The following SLC35F4 variants were observed in gnomAD, a reference collection of about 807,000 sequenced individuals.
SLC35F4 encodes solute carrier family 35 member F4, also known as chromosome 14 open reading frame 36.
SLC35F4 carries 24 observed loss-of-function variants against 44.2 expected under a neutral mutation model. That is an observed-to-expected ratio of 0.54 (90% CI 0.39 to 0.76). The LOEUF is 0.76. SLC35F4 is among the 30% of genes least tolerant of loss of function. SLC35F4 has a pLI of 0.00. For synonymous variants in SLC35F4, 238 were observed against 223.6 expected, an observed-to-expected ratio of 1.06 and a Z score of -0.57; for missense variants, 562 against 586.1, an observed-to-expected ratio of 0.96 and a Z score of 0.42.
downstream of SLC35F4, among the ~76,000 whole-genome samples, chr14:57,973,109 T>A (rs1881101129): frequency 1.3e-5 from 2 of 152,174 alleles, no homozygotes; most frequent in South Asian, 4.1e-4. Context: ...AGTACCACTG[T>A]CCCCTTAGCC....
At chr14:57,677,418 A>ATTT (rs5808932) in intron 1 of SLC35F4, among the ~76,000 whole-genome samples, 1 of 151,274 alleles carries the variant, frequency 6.6e-6, no homozygotes, top group African/African-American at 2.4e-5. Context: ...AAAAAAATAA[A>ATTT]AATTATTTAA....
intron 1 of SLC35F4, among the ~76,000 whole-genome samples, chr14:57,743,795 T>A (rs1234715558): frequency 6.6e-6 from 1 of 152,068 alleles, no homozygotes; most frequent in Non-Finnish European, 1.5e-5. Context: ...TAGGCCAATA[T>A]CCCTGATGAA....
intron 1 of SLC35F4, among the ~76,000 whole-genome samples, chr14:57,969,086 A>T (rs1880974862): frequency 6.6e-6 from 1 of 152,230 alleles, no homozygotes. Context: ...ACATGAAGAG[A>T]CTAAGCCCAC....
intron 1 of SLC35F4, among the ~76,000 whole-genome samples, chr14:57,927,779 T>A (rs1889610308): frequency 6.6e-6 from 1 of 152,098 alleles, no homozygotes. Context: ...GCATTAGCCA[T>A]CACGCCTGGC....
intron 1 of SLC35F4, among the ~76,000 whole-genome samples, chr14:57,703,486 T>G (rs973236191): frequency 1.3e-5 from 2 of 152,164 alleles, no homozygotes; most frequent in African/African-American, 4.8e-5. Flanking sequence ...TGCCATCACC[T>G]ACGCTGTCCA....
intron 1 of SLC35F4, among the ~76,000 whole-genome samples, chr14:57,893,812 T>A (rs1888820399): frequency 6.6e-6 from 1 of 152,174 alleles, no homozygotes; most frequent in South Asian, 2.1e-4. Flanking sequence ...CTTCTCTCCA[T>A]GGCAACAAAA....
chr14:57,938,298 TAAG>T (rs1203766352), intron 1 of SLC35F4, among the ~76,000 whole-genome samples: 1 of 151,598 alleles, frequency 6.6e-6, no homozygotes, highest in African/African-American at 2.4e-5. Context: ...AGGGGTAATA[TAAG>T]AAGTAGTGTT....
intron 1 of SLC35F4, among the ~76,000 whole-genome samples, chr14:57,721,893 C>A: frequency 6.6e-6 from 1 of 152,058 alleles, no homozygotes; most frequent in Non-Finnish European, 1.5e-5. Context: ...GTGATGGCCC[C>A]CCCTGAGGCA....
chr14:57,633,704 GC>G (rs1262969249), intron 1 of SLC35F4, among the ~76,000 whole-genome samples: 2 of 151,848 alleles, frequency 1.3e-5, no homozygotes, highest in Non-Finnish European at 2.9e-5. Context: ...CTCTATCCCA[GC>G]CCTTGGCAAC....
At chr14:57,702,713 A>G (rs1172327729) in intron 1 of SLC35F4, among the ~76,000 whole-genome samples, 1 of 152,190 alleles carries the variant, frequency 6.6e-6, no homozygotes, top group Non-Finnish European at 1.5e-5. Flanking sequence ...CAGCACCAGC[A>G]GCACACTTTC....
intron 1 of SLC35F4, among the ~76,000 whole-genome samples, chr14:57,625,602 C>G (rs558651949): frequency 9.9e-5 from 15 of 152,198 alleles, no homozygotes; most frequent in Non-Finnish European, 1.9e-4. Context: ...CCAAAACAGA[C>G]ATATAGACCA....
Position 57,647,740 on chromosome 14 carries a change from C to T in SLC35F4, c.104-53616G>A, listed in dbSNP as rs149154666. On this transcript the variant is annotated intron_variant, in intron 1 of 7. Transcript: ENST00000556826. ...TTATAAAATGCAGTTTTAGAAATAA[C>T]CCTGCTAAGTCACTTTAACCAGAAT... Among the ~76,000 whole-genome samples the T allele has an allele frequency of 4.8e-3, 734 of 152,208 alleles. 19 individuals are homozygous for T. The highest frequency in any genetic ancestry group is 0.035 in the Admixed American group (534 of 15,278).
At position 57,570,493 on chromosome 14, in the gene SLC35F4, CT is replaced by C. The variant is rs545707969; in HGVS notation, c.934-514del. The stretch of plus-strand genomic sequence containing the variant: ...TCAAAATGACTTCACAAATATGGTG[CT>C]TGTTCCCCAGATTAAAAAGCAGTTT... On this transcript the variant is annotated intron_variant, in intron 5 of 7. Coordinates refer to ENST00000556826, the MANE Select transcript of SLC35F4 (RefSeq NM_001306087.2). 5.8e-3 allele frequency among the ~76,000 whole-genome samples: 879 copies of C among 152,286 alleles called. 4 individuals carry two copies. Among genetic ancestry groups the C allele is most frequent in the South Asian group, 0.011 (55 of 4,828 alleles).
At chr14:57,724,479 T>C (rs572101188) in intron 1 of SLC35F4, among the ~76,000 whole-genome samples, 1 of 152,210 alleles carries the variant, frequency 6.6e-6, no homozygotes, top group Non-Finnish European at 1.5e-5. Flanking sequence ...TATCATGAAC[T>C]GAGTCCTTTC....
intron 1 of SLC35F4, among the ~76,000 whole-genome samples, chr14:57,647,399 A>G (rs1227396703): frequency 6.6e-6 from 1 of 151,908 alleles, no homozygotes; most frequent in East Asian, 1.9e-4. Context: ...GTCTCTTTTG[A>G]TCTTTGTTGG....
intron 1 of SLC35F4, among the ~76,000 whole-genome samples, chr14:57,608,048 G>C (rs2071268368): frequency 6.6e-6 from 1 of 152,112 alleles, no homozygotes; most frequent in Non-Finnish European, 1.5e-5. Flanking sequence ...GAGTTTAAGT[G>C]CATGAAACTC....
At chr14:57,750,400 A>C (rs1053394956) in intron 1 of SLC35F4, among the ~76,000 whole-genome samples, 13 of 152,284 alleles carry the variant, frequency 8.5e-5, no homozygotes, top group Non-Finnish European at 1.8e-4. Flanking sequence ...CTTTGGATAG[A>C]TACCCAGTAG....
At chr14:57,964,991 A>AATATATATAT (rs1212108605) in intron 1 of SLC35F4, among the ~76,000 whole-genome samples, 2 of 115,696 alleles carry the variant, frequency 1.7e-5, no homozygotes, top group Admixed American at 8.5e-5. Context: ...AAAAAAAAAA[A>AATATATATAT]ATATATATAT....
intron 1 of SLC35F4, among the ~76,000 whole-genome samples, chr14:57,906,440 T>A (rs1311073362): frequency 1.3e-5 from 2 of 152,222 alleles, no homozygotes; most frequent in Non-Finnish European, 2.9e-5. Flanking sequence ...TATTCTGTCT[T>A]ATGATTGTTG....
Sources: gnomAD v4.1 joint callset for allele counts (sites outside exome capture counted in the v4.1 genomes callset) on GRCh38, gnomAD v4.1.1 for gene constraint, MANE v1.5 for transcripts, NCBI Gene and HGNC (gene_info 2026-07-23, HGNC 2026-07-21) for gene names.